The following RBMS3 variants were observed in gnomAD, a reference collection of about 807,000 sequenced individuals.
The protein encoded by RBMS3 is RNA-binding motif, single-stranded-interacting protein 3.
RBMS3 carries 27 observed loss-of-function variants against 66.8 expected under a neutral mutation model. The ratio of observed to expected loss-of-function variants is 0.40; its 90% CI spans 0.30 to 0.56. RBMS3 has a LOEUF of 0.56. Among genes scored for constraint, RBMS3 ranks in the 20% least tolerant of loss-of-function variants. The pLI, the probability that RBMS3 is intolerant of heterozygous loss-of-function variation, is 0.40. For synonymous variants in RBMS3, 188 were observed against 183.0 expected (o/e 1.03, Z -0.22); for missense variants, 513 against 549.5 (o/e 0.93, Z 0.66).
At chr3:29,690,912 T>C (rs1043062288) in intron 4 of RBMS3, among the ~76,000 whole-genome samples, 2 of 152,224 alleles carry the variant, frequency 1.3e-5, no homozygotes, top group African/African-American at 4.8e-5. Context: ...ATCTGTCTCA[T>C]GTCTCAGTGC....
intron 4 of RBMS3, among the ~76,000 whole-genome samples, chr3:29,663,976 AC>A (rs2050656886): frequency 6.6e-6 from 1 of 152,182 alleles, no homozygotes; most frequent in Non-Finnish European, 1.5e-5. Context: ...ATTATTGTAA[AC>A]CTTTAACAAT....
At chr3:29,970,199 G>A (rs369549986) in intron 12 of RBMS3, among the ~76,000 whole-genome samples, 88 of 152,236 alleles carry the variant, frequency 5.8e-4, no homozygotes, top group African/African-American at 1.9e-3. Context: ...AAAACTGTCC[G>A]TAGTAGCCTG....
intron 6 of RBMS3, among the ~76,000 whole-genome samples, chr3:29,846,650 G>C (rs1221752653): frequency 6.6e-6 from 1 of 152,108 alleles, no homozygotes; most frequent in Non-Finnish European, 1.5e-5. Flanking sequence ...TCTGCTGCAA[G>C]AAAGTTTAAA....
chr3:29,703,614 TTTA>T (rs759368019), intron 4 of RBMS3, among the ~76,000 whole-genome samples: 7 of 152,230 alleles, frequency 4.6e-5, no homozygotes, highest in Non-Finnish European at 8.8e-5. Flanking sequence ...CAAAGTATTT[TTTA>T]TTATCTTTCC....
chr3:29,997,347 G>A (rs1026150337), intron 14 of RBMS3, among the ~76,000 whole-genome samples: 13 of 150,654 alleles, frequency 8.6e-5, no homozygotes, highest in African/African-American at 3.2e-4. Flanking sequence ...GTACAAGGAG[G>A]AACTGGTACC....
chr3:29,573,700 A>AAACTTATTTTTTGATGTAGGC (rs1446901503), intron 3 of RBMS3, among the ~76,000 whole-genome samples: 1 of 152,104 alleles, frequency 6.6e-6, no homozygotes, highest in Non-Finnish European at 1.5e-5. Flanking sequence ...AGGCACTTAT[A>AAACTTATTTTTTGATGTAGGC]ACTATAAACT....
At chr3:29,648,159 C>T (rs1241255481) in intron 4 of RBMS3, among the ~76,000 whole-genome samples, 1 of 151,544 alleles carries the variant, frequency 6.6e-6, no homozygotes, top group East Asian at 1.9e-4. Context: ...TGTTGGATGG[C>T]ATTCAATTCT....
At chr3:29,615,273 G>A (rs1280939518) in intron 4 of RBMS3, 1 of 152,152 alleles carries the variant, frequency 6.6e-6, no homozygotes, top group African/African-American at 2.4e-5. Context: ...TCAAACAACT[G>A]TGGAAGATGA....
intron 6 of RBMS3, among the ~76,000 whole-genome samples, chr3:29,786,810 G>A (rs1255585949): frequency 1.3e-5 from 2 of 151,980 alleles, no homozygotes; most frequent in African/African-American, 4.8e-5. Flanking sequence ...GAACCCAAAA[G>A]CAAATGCAAC....
At chr3:29,591,579 C>G (rs948748587) in intron 4 of RBMS3, among the ~76,000 whole-genome samples, 1 of 152,126 alleles carries the variant, frequency 6.6e-6, no homozygotes, top group African/African-American at 2.4e-5. Context: ...CTTACTTGCC[C>G]CTTATTCTCT....
At chr3:29,306,856 C>T (rs770123521) in intron 1 of RBMS3, among the ~76,000 whole-genome samples, 1 of 151,844 alleles carries the variant, frequency 6.6e-6, no homozygotes, top group Non-Finnish European at 1.5e-5. Context: ...TCATACACTA[C>T]CTCCTATAAC....
intron 4 of RBMS3, among the ~76,000 whole-genome samples, chr3:29,682,319 G>A (rs748979807): frequency 6.6e-6 from 1 of 152,174 alleles, no homozygotes; most frequent in Non-Finnish European, 1.5e-5. Context: ...GTAATTTTTT[G>A]TTTGTTTGTT....
At chr3:29,284,979 C>A (rs1469899134) in intron 1 of RBMS3, among the ~76,000 whole-genome samples, 3 of 145,906 alleles carry the variant, frequency 2.1e-5, no homozygotes, top group Non-Finnish European at 3.0e-5. Context: ...AAGAAACAAC[C>A]GGATGAAAAA....
chr3:29,778,262 T>C (rs62237099), intron 6 of RBMS3, among the ~76,000 whole-genome samples: 21,701 of 151,832 alleles, frequency 0.14, 2,072 homozygotes, highest in Non-Finnish European at 0.21. Context: ...ATTTCCTGCT[T>C]TCTGCATATG....
chr3:29,476,259 A>T (rs2042942508), intron 2 of RBMS3, among the ~76,000 whole-genome samples: 1 of 152,218 alleles, frequency 6.6e-6, no homozygotes, highest in African/African-American at 2.4e-5. Context: ...CAATTAAAAG[A>T]TTGTGCATGA....
At chr3:29,683,752 C>A (rs529738895) in intron 4 of RBMS3, among the ~76,000 whole-genome samples, 2 of 152,312 alleles carry the variant, frequency 1.3e-5, no homozygotes, top group Middle Eastern at 3.4e-3. Flanking sequence ...CCCAGCTCAA[C>A]TTTTCTTTCT....
At chr3:29,433,114 GT>G (rs11335040) in intron 1 of RBMS3, among the ~76,000 whole-genome samples, 42,036 of 147,772 alleles carry the variant, frequency 0.28, 6,075 homozygotes, top group Middle Eastern at 0.36. Flanking sequence ...GTTTCTTGAG[GT>G]TTTTTTTTTT....
chr3:29,706,078 G>A (rs903691761), intron 4 of RBMS3, among the ~76,000 whole-genome samples: 15 of 152,128 alleles, frequency 9.9e-5, no homozygotes, highest in African/African-American at 3.6e-4. Flanking sequence ...ACCTGCTGAA[G>A]GCTTCCAGTC....
intron 1 of RBMS3, among the ~76,000 whole-genome samples, chr3:29,406,252 A>C (rs902876978): frequency 6.6e-6 from 1 of 152,212 alleles, no homozygotes; most frequent in African/African-American, 2.4e-5. Context: ...ACTGACCTTA[A>C]GATAATGTAA....
Sources: allele counts gnomAD v4.1 joint callset (sites outside exome capture counted in the v4.1 genomes callset), GRCh38; gene constraint gnomAD v4.1.1; transcripts MANE v1.5; gene names NCBI Gene and HGNC (gene_info 2026-07-23, HGNC 2026-07-21).